The following NPSR1 variants were observed in gnomAD, a reference collection of about 807,000 sequenced individuals.
The protein encoded by NPSR1 is neuropeptide S receptor.
In NPSR1, 48 loss-of-function variants were observed where a neutral mutation model predicts 46.9. That is an observed-to-expected ratio of 1.02 (90% CI 0.81 to 1.30). NPSR1 has a LOEUF of 1.30. Ranked by LOEUF, NPSR1 falls within the 50% of genes most tolerant of loss-of-function variation. The pLI, the probability that NPSR1 is intolerant of heterozygous loss-of-function variation, is 0.00. For synonymous variants in NPSR1, 176 were observed against 168.1 expected, an observed-to-expected ratio of 1.05 and a Z score of -0.36; for missense variants, 450 against 449.5, an observed-to-expected ratio of 1.00 and a Z score of -0.01.
At chr7:34,674,416 A>G (rs1293396835) in intron 1 of NPSR1, among the ~76,000 whole-genome samples, 3 of 152,140 alleles carry the variant, frequency 2.0e-5, no homozygotes, top group Non-Finnish European at 2.9e-5. Flanking sequence ...GAGATTTTCA[A>G]TCTTTGCACT....
intron 1 of NPSR1, among the ~76,000 whole-genome samples, chr7:34,662,947 A>G (rs1159686168): frequency 1.3e-5 from 2 of 152,082 alleles, no homozygotes; most frequent in African/African-American, 4.8e-5. Context: ...GAATAAACCT[A>G]GTCATTGCAG....
intron 2 of NPSR1, among the ~76,000 whole-genome samples, chr7:34,769,462 T>C (rs915668821): frequency 6.6e-6 from 1 of 152,220 alleles, no homozygotes; most frequent in African/African-American, 2.4e-5. Flanking sequence ...CCTCTTTTAA[T>C]TGGCATGTGA....
rs568268539 is a variant in NPSR1 at position 34,764,112 on chromosome 7, G to T, written c.281-14350G>T. On this transcript the variant is annotated intron_variant, in intron 2 of 8. Transcript: ENST00000360581. ...TTGTGAGTGTATTTTATGCAAAAAA[G>T]AATCAAATCAAATCAAAGTCTTGGC... is the stretch of plus-strand genomic sequence containing the variant. 7.4e-4 allele frequency among the ~76,000 whole-genome samples: 112 copies of T among 152,232 alleles called. 1 individual carries two copies. Among genetic ancestry groups the T allele is most frequent in the Non-Finnish European group, 9.9e-4 (67 of 67,990 alleles).
At chr7:34,833,503 T>C (rs1431022731) in intron 5 of NPSR1, among the ~76,000 whole-genome samples, 1 of 152,220 alleles carries the variant, frequency 6.6e-6, no homozygotes, top group Non-Finnish European at 1.5e-5. Context: ...TATTGTCACA[T>C]CTGATACTCA....
At chr7:34,840,275 G>A (rs974861119) in intron 6 of NPSR1, among the ~76,000 whole-genome samples, 3 of 152,188 alleles carry the variant, frequency 2.0e-5, no homozygotes, top group African/African-American at 7.2e-5. Flanking sequence ...AAAACATTCT[G>A]GAGAATACAG....
At chr7:34,692,308 G>A (rs1793305394) in intron 2 of NPSR1, among the ~76,000 whole-genome samples, 2 of 151,912 alleles carry the variant, frequency 1.3e-5, no homozygotes, top group African/African-American at 2.4e-5. Context: ...TAGCCATAAA[G>A]CAATTCTCAA....
intron 2 of NPSR1, among the ~76,000 whole-genome samples, chr7:34,776,823 T>G (rs1186500857): frequency 3.9e-5 from 6 of 152,144 alleles, no homozygotes; most frequent in Non-Finnish European, 5.9e-5. Flanking sequence ...GGCAGTAGTT[T>G]CCCTTCTGGC....
intron 2 of NPSR1, among the ~76,000 whole-genome samples, chr7:34,691,308 C>T (rs890269989): frequency 3.3e-5 from 5 of 152,126 alleles, no homozygotes; most frequent in Non-Finnish European, 5.9e-5. Context: ...TCCTGTAAAC[C>T]AACAACACAA....
chr7:34,855,031 C>T (rs1489764994), intron 8 of NPSR1, among the ~76,000 whole-genome samples: 2 of 150,894 alleles, frequency 1.3e-5, no homozygotes, highest in East Asian at 2.0e-4. Context: ...AATACACTTC[C>T]GAACAACTTA....
Position 34,849,717 on chromosome 7 carries a change from G to A in NPSR1, c.*62G>A, listed in dbSNP as rs549742939. ...CAGCTCTCCCAGGTCCTTGTCACCTGCTTGGGCACGTGCATGGAACCCGAG... is the reference window on the plus strand; with the variant it reads ...CAGCTCTCCCAGGTCCTTGTCACCTACTTGGGCACGTGCATGGAACCCGAG... On this transcript the variant is annotated 3_prime_UTR_variant, in exon 9 of 9. Transcript: ENST00000360581. The A allele has an allele frequency of 8.1e-6, 13 of 1,597,082 alleles. No homozygotes were observed. The Admixed American group carries it at 2.2e-4, about 28-fold the overall frequency.
chr7:34,755,105 T>C (rs542208630), intron 2 of NPSR1, among the ~76,000 whole-genome samples: 1 of 152,266 alleles, frequency 6.6e-6, no homozygotes, highest in East Asian at 1.9e-4. Flanking sequence ...TGTACAACTT[T>C]CTGTGTGGAC....
chr7:34,720,162 C>T (rs1048694762), intron 2 of NPSR1, among the ~76,000 whole-genome samples: 2 of 151,736 alleles, frequency 1.3e-5, no homozygotes, highest in African/African-American at 4.8e-5. Context: ...CGCCTGTAGT[C>T]CCAGGTACTG....
intron 3 of NPSR1, among the ~76,000 whole-genome samples, chr7:34,790,914 T>C (rs188665861): frequency 1.0e-4 from 12 of 114,994 alleles, no homozygotes; most frequent in Admixed American, 1.8e-4. Context: ...TTATATTATA[T>C]ATCATATATG....
Position 34,790,711 on chromosome 7 carries a change from TATATA to T in NPSR1, c.384+12152_384+12156del, listed in dbSNP as rs1319354597. Among the ~76,000 whole-genome samples the T allele has an allele frequency of 1.5e-3, 197 of 133,160 alleles. 2 individuals are homozygous for T. Among genetic ancestry groups the T allele is most frequent in the Admixed American group, 3.2e-3 (37 of 11,576 alleles). The allele number at this position is 133,160 out of a possible 152,430, so 87.4% of individuals were successfully genotyped here. A position where few individuals can be genotyped will look rare whatever the true frequency, so the allele number is the denominator to read the frequency against. ...TATATATAATATATGTTCTATGTTATATATAATATATGTTATATGTTATATGTTAT... is the reference window on the plus strand; with the variant it reads ...TATATATAATATATGTTCTATGTTATATATATGTTATATGTTATATGTTAT... On this transcript the variant is annotated intron_variant, in intron 3 of 8. Coordinates refer to ENST00000360581, the MANE Select transcript of NPSR1 (RefSeq NM_207172.2).
At position 34,684,606 on chromosome 7, in the gene NPSR1, T is replaced by C. The variant is rs752940003; in HGVS notation, c.202T>C (p.Ser68Pro). 2 of 1,613,808 alleles carry C rather than the reference T, an allele frequency of 1.2e-6. No individual in the cohort carries two copies. Among genetic ancestry groups the C allele is most frequent in the Non-Finnish European group, 1.7e-6 (2 of 1,179,776 alleles). Residue 68 changes from serine (S) to proline (P), a missense_variant, in exon 2 of 9, where the codon TCC (serine) becomes CCC (proline). By Grantham distance (74) the Ser-to-Pro change is moderately conservative. Coordinates refer to ENST00000360581, the MANE Select transcript of NPSR1 (RefSeq NM_207172.2). ...CTTTGTTTTTACCATTGTTGGAAAC[T>C]CCGTTGTGCTTTTTTCCACATGGAG... The part of the protein sequence containing the change: ...VLFVFTIVGN[S>P]VVLFSTWRRK...
At chr7:34,748,657 C>G (rs967686893) in intron 2 of NPSR1, among the ~76,000 whole-genome samples, 1 of 152,124 alleles carries the variant, frequency 6.6e-6, no homozygotes, top group Non-Finnish European at 1.5e-5. Flanking sequence ...GTCACTAGCC[C>G]TGGAGAATGA....
At chr7:34,730,444 CTT>C (rs1255771588) in intron 2 of NPSR1, among the ~76,000 whole-genome samples, 1 of 152,066 alleles carries the variant, frequency 6.6e-6, no homozygotes, top group African/African-American at 2.4e-5. Context: ...GTCTTGGGGT[CTT>C]TATAACTTTG....
At position 34,849,854 on chromosome 7, in the gene NPSR1, C is replaced by T. The variant is rs1370988572; in HGVS notation, c.*199C>T. On this transcript the variant is annotated 3_prime_UTR_variant, in exon 9 of 9. Coordinates refer to ENST00000360581, the MANE Select transcript of NPSR1 (RefSeq NM_207172.2). ...ACACGAACTCCCCAGTTATTCATGC[C>T]AGCCAGGAAGGAAACGCCTTCCTTC... 3 of 1,340,740 alleles carry T rather than the reference C, an allele frequency of 2.2e-6. No homozygotes were observed. Among genetic ancestry groups the T allele is most frequent in the Non-Finnish European group, 1.9e-6 (2 of 1,043,336 alleles). The allele number at this position is 1,340,740 out of a possible 1,614,324, so 83.1% of individuals were successfully genotyped here.
At chr7:34,854,648 G>A (rs1219558218), downstream of NPSR1, among the ~76,000 whole-genome samples, 2 of 152,068 alleles carry the variant, frequency 1.3e-5, no homozygotes, top group Non-Finnish European at 2.9e-5. Context: ...TAAAAACATG[G>A]CCTCAAAATA....
Sources: allele counts gnomAD v4.1 joint callset (sites outside exome capture counted in the v4.1 genomes callset), GRCh38; gene constraint gnomAD v4.1.1; transcripts MANE v1.5; gene names NCBI Gene and HGNC (gene_info 2026-07-23, HGNC 2026-07-21).